Variants in FNIP2 observed in about 807,000 individuals in gnomAD.
FNIP2 encodes folliculin-interacting protein 2.
A neutral mutation model predicts 108.7 loss-of-function variants in FNIP2; 32 were observed. The observed-to-expected ratio is 0.29, with a 90% CI of 0.22 to 0.40. The LOEUF (loss-of-function observed/expected upper bound fraction) is 0.40. Among genes scored for constraint, FNIP2 ranks in the 10% least tolerant of loss-of-function variants. The pLI is 1.00. For missense variants in FNIP2, 1,202 were observed against 1,381.6 expected (o/e 0.87, Z 2.06); for synonymous variants, 480 against 496.7 (o/e 0.97, Z 0.45).
intron 14 of FNIP2, among the ~76,000 whole-genome samples, chr4:158,876,112 G>T (rs911513269): frequency 6.6e-6 from 1 of 152,080 alleles, no homozygotes; most frequent in African/African-American, 2.4e-5. Flanking sequence ...ATGGATTGTG[G>T]TTAAAAAAAA....
At chr4:158,883,755 A>G (rs1415942163) in intron 14 of FNIP2, among the ~76,000 whole-genome samples, 3 of 152,180 alleles carry the variant, frequency 2.0e-5, no homozygotes, top group Non-Finnish European at 2.9e-5. Context: ...AGCAACATGC[A>G]TGATAGAAGT....
chr4:158,894,753 C>T (rs1181478873), intron 15 of FNIP2, among the ~76,000 whole-genome samples: 1 of 152,044 alleles, frequency 6.6e-6, no homozygotes. Flanking sequence ...TGGTGAAATC[C>T]TCCTTACTTT....
intron 14 of FNIP2, among the ~76,000 whole-genome samples, chr4:158,879,943 A>G (rs1470280046): frequency 2.0e-5 from 3 of 150,410 alleles, no homozygotes; most frequent in East Asian, 2.0e-4. Flanking sequence ...TCAGGAAACA[A>G]CAGGTGCTGG....
chr4:158,816,177 CGAGA>C (rs371898223), intron 1 of FNIP2, among the ~76,000 whole-genome samples: 232 of 152,130 alleles, frequency 1.5e-3, no homozygotes, highest in African/African-American at 5.3e-3. Context: ...ATCTTGCAAA[CGAGA>C]GACCTTACAC....
intron 8 of FNIP2, among the ~76,000 whole-genome samples, chr4:158,851,709 C>T (rs1392644880): frequency 6.6e-6 from 1 of 152,150 alleles, no homozygotes; most frequent in Non-Finnish European, 1.5e-5. Context: ...ATTGGGTGTT[C>T]ATTTAAAATG....
intron 1 of FNIP2, among the ~76,000 whole-genome samples, chr4:158,778,141 C>G (rs1382041815): frequency 6.6e-6 from 1 of 152,190 alleles, no homozygotes; most frequent in South Asian, 2.1e-4. Flanking sequence ...CTTTAAATGT[C>G]CAGACTGCTT....
intron 16 of FNIP2, among the ~76,000 whole-genome samples, chr4:158,899,379 G>A (rs1782991995): frequency 6.6e-6 from 1 of 152,210 alleles, no homozygotes; most frequent in Admixed American, 6.5e-5. Context: ...AAATGAGTTA[G>A]GCAGAAGTCC....
chr4:158,846,305 T>A (rs1035716365), intron 7 of FNIP2, among the ~76,000 whole-genome samples: 1 of 152,248 alleles, frequency 6.6e-6, no homozygotes, highest in African/African-American at 2.4e-5. Context: ...CAATATACTC[T>A]GTTTTCTTTT....
chr4:158,831,830 A>T, intron 3 of FNIP2, 31 bp from the exon 4 acceptor site: 1 of 1,406,710 alleles, frequency 7.1e-7, no homozygotes, highest in Non-Finnish European at 1.0e-6. Context: ...TGTTCCATGT[A>T]CTAACTTTGA....
At chr4:158,802,820 C>T (rs974266617) in intron 1 of FNIP2, among the ~76,000 whole-genome samples, 1 of 152,150 alleles carries the variant, frequency 6.6e-6, no homozygotes, top group African/African-American at 2.4e-5. Flanking sequence ...AGAGGTTGGA[C>T]TTGTGTCTTG....
At chr4:158,856,583 T>C in intron 8 of FNIP2, among the ~76,000 whole-genome samples, 1 of 152,236 alleles carries the variant, frequency 6.6e-6, no homozygotes, top group Non-Finnish European at 1.5e-5. Context: ...CGTGGCATGA[T>C]GCATTGACTA....
At chr4:158,874,946 G>A (rs1442069134) in intron 14 of FNIP2, among the ~76,000 whole-genome samples, 3 of 151,232 alleles carry the variant, frequency 2.0e-5, no homozygotes, top group African/African-American at 7.3e-5. Context: ...AAGTTGCCAG[G>A]TGTGGCAGCG....
intron 14 of FNIP2, among the ~76,000 whole-genome samples, chr4:158,890,956 CACCGGGCCTTGTCTA>C: frequency 6.6e-6 from 1 of 152,252 alleles, no homozygotes; most frequent in Admixed American, 6.5e-5. Context: ...ATTGCAGTCT[CACCGGGCCTTGTCTA>C]AGAAAGATCA....
At chr4:158,904,112 G>GT (rs1266826292) in intron 16 of FNIP2, among the ~76,000 whole-genome samples, 2 of 152,200 alleles carry the variant, frequency 1.3e-5, no homozygotes, top group Non-Finnish European at 2.9e-5. Context: ...GGAAGAATGA[G>GT]TTTATAATGG....
At chr4:158,790,094 C>A (rs1040130770) in intron 1 of FNIP2, among the ~76,000 whole-genome samples, 1 of 151,764 alleles carries the variant, frequency 6.6e-6, no homozygotes, top group Admixed American at 6.6e-5. Flanking sequence ...CAATTACTTT[C>A]CGGCTATGTA....
chr4:158,842,941 T>A (rs1578900661), intron 7 of FNIP2, among the ~76,000 whole-genome samples: 1 of 152,192 alleles, frequency 6.6e-6, no homozygotes, highest in Admixed American at 6.6e-5. Context: ...TTTGGTTTAT[T>A]TTAAATGAAA....
chr4:158,834,698 G>A (rs993933955), intron 6 of FNIP2: 3 of 152,190 alleles, frequency 2.0e-5, no homozygotes, highest in African/African-American at 7.2e-5. Context: ...CACTACAGCA[G>A]CAGCATATCT....
intron 1 of FNIP2, among the ~76,000 whole-genome samples, chr4:158,791,118 GA>G (rs139202522): frequency 0.26 from 39,517 of 151,846 alleles, 5,861 homozygotes; most frequent in Middle Eastern, 0.35. Context: ...AGCAATAAAC[GA>G]GAAGGTGGAA....
At chr4:158,784,400 G>A (rs1776149019) in intron 1 of FNIP2, among the ~76,000 whole-genome samples, 5 of 152,166 alleles carry the variant, frequency 3.3e-5, no homozygotes, top group Non-Finnish European at 7.3e-5. Flanking sequence ...ACAGTTTCAT[G>A]GCAGACAATT....
Sources: allele counts gnomAD v4.1 joint callset (sites outside exome capture counted in the v4.1 genomes callset), GRCh38; gene constraint gnomAD v4.1.1; transcripts MANE v1.5; gene names NCBI Gene and HGNC (gene_info 2026-07-23, HGNC 2026-07-21).